NSDHL: variants seen among roughly 807,000 people sequenced by gnomAD.
NSDHL encodes the protein sterol-4-alpha-carboxylate 3-dehydrogenase, decarboxylating.
A neutral mutation model predicts 23.0 loss-of-function variants in NSDHL; 1 was observed. The ratio of observed to expected loss-of-function variants is 0.04; its 90% CI spans 0.02 to 0.21. The LOEUF (loss-of-function observed/expected upper bound fraction) is 0.21, where lower values mean the gene tolerates loss of function less well. Among genes scored for constraint, NSDHL ranks in the 10% least tolerant of loss-of-function variants. The pLI is 1.00. For missense variants in NSDHL, 237 were observed against 300.9 expected (o/e 0.79, Z 1.57); for synonymous variants, 128 against 121.1 (o/e 1.06, Z -0.37).
intron 4 of NSDHL, among the ~76,000 whole-genome samples, chrX:152,859,421 T>C (rs782624254): frequency 8.9e-6 from 1 of 111,973 alleles, no homozygotes; most frequent in East Asian, 2.8e-4. Context: ...ACCCTTCTAC[T>C]TTCTGTCTCT....
At position 152,846,452 on chromosome X, in the gene NSDHL, G is replaced by A. The variant is rs1933276620; in HGVS notation, c.108+20G>A. The A allele has an allele frequency of 9.8e-7, 1 of 1,020,148 alleles. No homozygotes were observed. The highest frequency in any genetic ancestry group is 1.4e-6 in the Non-Finnish European group (1 of 720,376). 84.1% of individuals were successfully genotyped at this position (1,020,148 alleles called of 1,213,427 possible). On this transcript the variant is annotated intron_variant, in intron 2 of 7. Coordinates refer to ENST00000370274, the MANE Select transcript of NSDHL (RefSeq NM_015922.3). Reference sequence around the variant, plus strand: ...AATCAGGTAAGGAGAAAGTTGACACGTACATACCAACAGGCTGATACTATT... The same window carrying A: ...AATCAGGTAAGGAGAAAGTTGACACATACATACCAACAGGCTGATACTATT...
chrX:152,832,111 A>C (rs1261432026), intron 1 of NSDHL, among the ~76,000 whole-genome samples: 1 of 110,812 alleles, frequency 9.0e-6, no homozygotes, highest in Non-Finnish European at 1.9e-5. Flanking sequence ...GCCCCAGAAC[A>C]CTGGCTTTGT....
At position 152,867,987 on chromosome X, in the gene NSDHL, G is replaced by T. The variant is rs72616414; in HGVS notation, c.789+314G>T. On this transcript the variant is annotated intron_variant, in intron 7 of 7. Coordinates refer to ENST00000370274, the MANE Select transcript of NSDHL (RefSeq NM_015922.3). ...TTGTGGCAGGAGCCCACGTAGATTG[G>T]GCAGGGTGCTTGCTCCTCACCCTTT... is the stretch of plus-strand genomic sequence containing the variant. 6.3e-5 allele frequency among the ~76,000 whole-genome samples: 7 copies of T among 110,703 alleles called. No individual in the cohort carries two copies. The East Asian group carries it at 2.0e-3, about 32-fold the overall frequency.
chrX:152,863,846 G>T (rs1213237639), intron 5 of NSDHL, among the ~76,000 whole-genome samples: 1 of 111,859 alleles, frequency 8.9e-6, no homozygotes, highest in Non-Finnish European at 1.9e-5. Flanking sequence ...GGTACATGCT[G>T]TACTGGAGCT....
intron 1 of NSDHL, among the ~76,000 whole-genome samples, chrX:152,845,757 C>A (rs1445653950): frequency 1.8e-5 from 2 of 111,814 alleles, no homozygotes; most frequent in African/African-American, 6.5e-5. Flanking sequence ...CATCCCCCGT[C>A]CCAGCATCCC....
intron 1 of NSDHL, among the ~76,000 whole-genome samples, chrX:152,838,132 C>T (rs1395031123): frequency 1.8e-5 from 2 of 111,675 alleles, no homozygotes; most frequent in African/African-American, 6.5e-5. Flanking sequence ...TCTGTGGGAT[C>T]GGTGGTGATA....
intron 1 of NSDHL, among the ~76,000 whole-genome samples, chrX:152,840,030 C>T (rs1556844667): frequency 8.9e-6 from 1 of 112,139 alleles, no homozygotes; most frequent in African/African-American, 3.2e-5. Context: ...ACCTTGTCTT[C>T]TCACTTTATT....
intron 3 of NSDHL, among the ~76,000 whole-genome samples, chrX:152,852,698 G>T (rs1357996697): frequency 9.0e-6 from 1 of 110,864 alleles, no homozygotes; most frequent in African/African-American, 3.3e-5. Flanking sequence ...CCACAAACCT[G>T]CCCACATCCA....
intron 2 of NSDHL, among the ~76,000 whole-genome samples, chrX:152,846,875 T>G (rs1326394884): frequency 8.9e-6 from 1 of 112,095 alleles, no homozygotes; most frequent in Non-Finnish European, 1.9e-5. Context: ...GGCCTAAGAT[T>G]TAGTGTCGCA....
At chrX:152,862,153 A>G (rs113576913) in intron 4 of NSDHL, among the ~76,000 whole-genome samples, 1 of 112,236 alleles carries the variant, frequency 8.9e-6, no homozygotes, top group African/African-American at 3.2e-5. Flanking sequence ...GTGTATTCCT[A>G]TGTGTGTTCA....
intron 2 of NSDHL, among the ~76,000 whole-genome samples, chrX:152,850,046 G>A (rs1199324049): frequency 8.9e-6 from 1 of 112,002 alleles, no homozygotes; most frequent in Non-Finnish European, 1.9e-5. Context: ...AGTGTCATTC[G>A]CTATCTCTCT....
intron 1 of NSDHL, among the ~76,000 whole-genome samples, chrX:152,831,864 G>A (rs1556843450): frequency 9.0e-6 from 1 of 111,384 alleles, no homozygotes; most frequent in Non-Finnish European, 1.9e-5. Flanking sequence ...TAGGGAGACA[G>A]AGGGCAGAGA....
At chrX:152,834,971 T>C (rs1178158485) in intron 1 of NSDHL, among the ~76,000 whole-genome samples, 2 of 108,885 alleles carry the variant, frequency 1.8e-5, no homozygotes, top group African/African-American at 6.5e-5. Context: ...CGACAACCTT[T>C]CCCCTTTACA....
intron 2 of NSDHL, among the ~76,000 whole-genome samples, chrX:152,848,007 C>T (rs782319597): frequency 2.7e-5 from 3 of 109,909 alleles, no homozygotes; most frequent in South Asian, 4.0e-4. Context: ...GGACTACAGG[C>T]GCCTACCACC....
At chrX:152,841,048 A>G (rs1556844804) in intron 1 of NSDHL, among the ~76,000 whole-genome samples, 1 of 112,888 alleles carries the variant, frequency 8.9e-6, no homozygotes, top group East Asian at 2.8e-4. Flanking sequence ...GCAGCCTCAC[A>G]GGTGGATCTC....
At chrX:152,839,106 G>T (rs1411126897) in intron 1 of NSDHL, among the ~76,000 whole-genome samples, 2 of 111,880 alleles carry the variant, frequency 1.8e-5, no homozygotes, top group African/African-American at 6.5e-5. Flanking sequence ...TTTTATCAAA[G>T]ACTAGGATTG....
chrX:152,842,431 G>T (rs1282758903), intron 1 of NSDHL, among the ~76,000 whole-genome samples: 1 of 112,115 alleles, frequency 8.9e-6, no homozygotes, highest in African/African-American at 3.2e-5. Context: ...GGTGTAAGGT[G>T]ACACCTCACT....
intron 3 of NSDHL, 107 bp downstream of exon 3, chrX:152,850,530 A>G (rs997691231): frequency 1.3e-5 from 11 of 820,956 alleles, no homozygotes; most frequent in African/African-American, 2.0e-5. Context: ...CAATTGTTTC[A>G]TTGTGAAAAT....
intron 1 of NSDHL, among the ~76,000 whole-genome samples, chrX:152,837,403 A>G (rs1256142386): frequency 2.7e-5 from 3 of 111,106 alleles, no homozygotes; most frequent in Non-Finnish European, 5.7e-5. Context: ...TCCAGTTTTT[A>G]CCCATTCAGT....
Sources: gnomAD v4.1 joint callset for allele counts (sites outside exome capture counted in the v4.1 genomes callset) on GRCh38, gnomAD v4.1.1 for gene constraint, MANE v1.5 for transcripts, NCBI Gene and HGNC (gene_info 2026-07-23, HGNC 2026-07-21) for gene names.